FER: variants seen among roughly 807,000 people sequenced by gnomAD.
The protein encoded by FER is tyrosine-protein kinase Fer.
In FER, 63 loss-of-function variants were observed where a neutral mutation model predicts 111.0. That is an observed-to-expected ratio of 0.57 (90% CI 0.46 to 0.70). The LOEUF (loss-of-function observed/expected upper bound fraction) is 0.70, where lower values mean the gene tolerates loss of function less well. FER is among the 30% of genes least tolerant of loss of function. The pLI is 0.00. For synonymous variants in FER, 327 were observed against 313.9 expected (o/e 1.04, Z -0.44); for missense variants, 914 against 954.0 (o/e 0.96, Z 0.55).
At chr5:108,980,692 C>A (rs1030690772) in intron 13 of FER, among the ~76,000 whole-genome samples, 2 of 152,090 alleles carry the variant, frequency 1.3e-5, no homozygotes, top group South Asian at 4.2e-4. Flanking sequence ...AGGTTTAGAC[C>A]GATAACAGAG....
At position 108,976,616 on chromosome 5, in the gene FER, A is replaced by G. The variant is rs146513577; in HGVS notation, c.1656+17269A>G. ...AACTACTAATAGCCTACTGTTGACC[A>G]GAAGCCTTACTGATAACATATTTAA... On this transcript the variant is annotated intron_variant, in intron 13 of 19. Coordinates refer to ENST00000281092, the MANE Select transcript of FER (RefSeq NM_005246.4). Among the ~76,000 whole-genome samples, 8 of 152,314 alleles carry G rather than the reference A, an allele frequency of 5.3e-5. 1 individual carries two copies. In the East Asian group the frequency reaches 1.4e-3, roughly 26 times the overall value.
intron 17 of FER, among the ~76,000 whole-genome samples, chr5:109,164,241 A>T (rs1756304049): frequency 6.6e-6 from 1 of 152,132 alleles, no homozygotes; most frequent in Non-Finnish European, 1.5e-5. Flanking sequence ...CCTTTTTAAT[A>T]ATTAGACCCC....
At chr5:108,879,555 A>G (rs936767167) in intron 8 of FER, among the ~76,000 whole-genome samples, 8 of 151,646 alleles carry the variant, frequency 5.3e-5, no homozygotes, top group Non-Finnish European at 1.2e-4. Flanking sequence ...TACATTTGTT[A>G]TGTCATCTAT....
intron 17 of FER, among the ~76,000 whole-genome samples, chr5:109,118,398 T>A (rs1454025496): frequency 2.0e-5 from 3 of 152,216 alleles, no homozygotes; most frequent in Non-Finnish European, 2.9e-5. Flanking sequence ...TGCTGCTGGA[T>A]TCGGCTTGCC....
Position 108,809,118 on chromosome 5 carries a change from G to A in FER, c.207+10729G>A, listed in dbSNP as rs564922115. 2.6e-5 allele frequency among the ~76,000 whole-genome samples: 4 copies of A among 152,068 alleles called. No individual in the cohort carries two copies. The South Asian group carries it at 8.3e-4, about 32-fold the overall frequency. The stretch of plus-strand genomic sequence containing the variant: ...TCACAGGTGTTACCTGGATTTTTTT[G>A]TATGTGGATATCTACCTCTCCAGTA... On this transcript the variant is annotated intron_variant, in intron 3 of 19. Transcript: ENST00000281092.
intron 5 of FER, among the ~76,000 whole-genome samples, chr5:108,849,454 T>TTTGTTGTTGTTGTTG (rs77866064): frequency 1.5e-4 from 22 of 146,550 alleles, no homozygotes; most frequent in African/African-American, 2.8e-4. Flanking sequence ...TGGTGGTGGT[T>TTTGTTGTTGTTGTTG]TTGTTGTTGT....
chr5:108,785,158 G>T (rs1307493962), intron 2 of FER: 5 of 603,800 alleles, frequency 8.3e-6, no homozygotes, highest in Admixed American at 2.6e-5. Flanking sequence ...GCAAGCTGAA[G>T]ACCAACCACA....
intron 12 of FER, 30 bp from the exon 13 acceptor site, chr5:108,959,195 A>C: frequency 1.3e-6 from 2 of 1,593,376 alleles, no homozygotes; most frequent in Non-Finnish European, 1.7e-6. Context: ...ATGTCTTCAC[A>C]TTTATTCTAC....
intron 16 of FER, among the ~76,000 whole-genome samples, chr5:109,057,358 T>G (rs1430122228): frequency 2.0e-5 from 3 of 152,180 alleles, no homozygotes; most frequent in Non-Finnish European, 4.4e-5. Flanking sequence ...TTGAGAAGAT[T>G]AGTAAAATTG....
chr5:109,078,988 G>C (rs539872560), intron 16 of FER, among the ~76,000 whole-genome samples: 24 of 152,066 alleles, frequency 1.6e-4, no homozygotes, highest in Non-Finnish European at 2.9e-4. Flanking sequence ...ATTTGTTCTC[G>C]TGTATCTGCA....
chr5:109,106,135 A>G (rs1232495074), intron 17 of FER, among the ~76,000 whole-genome samples: 2 of 152,230 alleles, frequency 1.3e-5, no homozygotes, highest in East Asian at 3.8e-4. Context: ...TACCTAGGAA[A>G]GTCAAGGCAG....
rs1038946111 is a variant in FER, at chr5:108,754,734, C to T, written c.-206+6734C>T. Among the ~76,000 whole-genome samples the T allele has an allele frequency of 3.9e-4, 59 of 152,276 alleles. 1 individual carries two copies. The highest frequency in any genetic ancestry group is 1.3e-4 in the Non-Finnish European group (9 of 68,014). ...TTGAAATTAGTTTTCTAGTGTAAAT[C>T]ATTTTGCTTGCAAAAAGGCTATTTC... On this transcript the variant is annotated intron_variant, in intron 1 of 19. Transcript: ENST00000281092.
Position 108,855,318 on chromosome 5 carries a change from C to T in FER, c.482-12449C>T, listed in dbSNP as rs1437293418. Reference sequence around the variant, plus strand: ...ACTGAGCCCAACATTAAGAAGTCAGCGAAATAAAGAGTTAAAAAGAATACA... The same window carrying T: ...ACTGAGCCCAACATTAAGAAGTCAGTGAAATAAAGAGTTAAAAAGAATACA... On this transcript the variant is annotated intron_variant, in intron 5 of 19. Coordinates refer to ENST00000281092, the MANE Select transcript of FER (RefSeq NM_005246.4). 2.0e-5 allele frequency among the ~76,000 whole-genome samples: 3 copies of T among 151,908 alleles called. No individual in the cohort carries two copies. In the East Asian group the frequency reaches 5.8e-4, roughly 29 times the overall value.
At chr5:108,868,482 A>G (rs1764292663) in intron 6 of FER, among the ~76,000 whole-genome samples, 1 of 152,144 alleles carries the variant, frequency 6.6e-6, no homozygotes, top group Non-Finnish European at 1.5e-5. Flanking sequence ...TAGTGAGTCA[A>G]ATGGACACAT....
intron 2 of FER, among the ~76,000 whole-genome samples, chr5:108,768,894 G>A (rs1254373459): frequency 6.6e-6 from 1 of 151,150 alleles, no homozygotes; most frequent in Non-Finnish European, 1.5e-5. Context: ...GCACAATCTT[G>A]GCTCATTGCA....
At chr5:109,060,608 C>T (rs1204816932) in intron 16 of FER, among the ~76,000 whole-genome samples, 2 of 151,808 alleles carry the variant, frequency 1.3e-5, no homozygotes, top group Admixed American at 1.3e-4. Context: ...TGCTTGAACC[C>T]GGGAGGCGGA....
At chr5:108,960,561 A>G (rs1299542305) in intron 13 of FER, among the ~76,000 whole-genome samples, 1 of 152,034 alleles carries the variant, frequency 6.6e-6, no homozygotes. Flanking sequence ...ATATATATAT[A>G]TAAATCTTTC....
At chr5:108,973,423 T>C (rs1010675622) in intron 13 of FER, among the ~76,000 whole-genome samples, 1 of 152,022 alleles carries the variant, frequency 6.6e-6, no homozygotes, top group African/African-American at 2.4e-5. Flanking sequence ...TATCTGCAAG[T>C]GATTTTTAAA....
intron 9 of FER, chr5:108,891,688 A>G (rs1057395645): frequency 1.8e-4 from 26 of 141,670 alleles, no homozygotes; most frequent in African/African-American, 5.9e-4. Context: ...ATTATACTTT[A>G]CGTTTTAGGG....
Sources: gnomAD v4.1 joint callset for allele counts (sites outside exome capture counted in the v4.1 genomes callset) on GRCh38, gnomAD v4.1.1 for gene constraint, MANE v1.5 for transcripts, NCBI Gene and HGNC (gene_info 2026-07-23, HGNC 2026-07-21) for gene names.